LMBRD1: variants seen among roughly 807,000 people sequenced by gnomAD.
LMBRD1 encodes LMBR1 domain containing 1, also known as lysosomal cobalamin transport escort protein LMBD1.
In LMBRD1, 64 loss-of-function variants were observed where a neutral mutation model predicts 74.8. The ratio of observed to expected loss-of-function variants is 0.86; its 90% CI spans 0.70 to 1.05. LMBRD1 has a LOEUF of 1.05. Among genes scored for constraint, LMBRD1 ranks in the 50% least tolerant of loss-of-function variants. The pLI is 0.00. For synonymous variants in LMBRD1, 204 were observed against 216.3 expected (o/e 0.94, Z 0.50); for missense variants, 652 against 645.9 (o/e 1.01, Z -0.10).
chr6:69,754,174 A>G (rs1237372911), intron 3 of LMBRD1, among the ~76,000 whole-genome samples: 1 of 152,196 alleles, frequency 6.6e-6, no homozygotes, highest in African/African-American at 2.4e-5. Context: ...AATAAGGTAT[A>G]GTTCAATTTT....
chr6:69,685,347 G>A (rs1725495589), intron 14 of LMBRD1, among the ~76,000 whole-genome samples: 1 of 152,196 alleles, frequency 6.6e-6, no homozygotes, highest in Non-Finnish European at 1.5e-5. Flanking sequence ...TTAAATAGTA[G>A]TAGTCCTTAA....
At chr6:69,729,744 A>T (rs1219885422) in intron 7 of LMBRD1, among the ~76,000 whole-genome samples, 1 of 152,048 alleles carries the variant, frequency 6.6e-6, no homozygotes, top group Non-Finnish European at 1.5e-5. Context: ...ACTATTTTTA[A>T]ATTTTTAATT....
intron 14 of LMBRD1, among the ~76,000 whole-genome samples, chr6:69,696,826 T>C (rs569027612): frequency 1.3e-5 from 2 of 152,298 alleles, no homozygotes; most frequent in East Asian, 3.9e-4. Flanking sequence ...TTTTTCATAA[T>C]GGTATTCATG....
At chr6:69,793,030 G>C (rs745326276) in intron 1 of LMBRD1, among the ~76,000 whole-genome samples, 25 of 152,112 alleles carry the variant, frequency 1.6e-4, no homozygotes, top group Non-Finnish European at 5.9e-5. Flanking sequence ...CTCGTCTATA[G>C]GAATACTTCT....
At chr6:69,742,782 T>C (rs1302967436) in intron 5 of LMBRD1, among the ~76,000 whole-genome samples, 2 of 152,160 alleles carry the variant, frequency 1.3e-5, no homozygotes, top group East Asian at 1.9e-4. Flanking sequence ...TAAAACAAAG[T>C]AATTACTCTA....
intron 5 of LMBRD1, 85 bp downstream of exon 5, chr6:69,749,256 G>C (rs942171049): frequency 1.8e-6 from 2 of 1,087,364 alleles, no homozygotes; most frequent in Middle Eastern, 2.6e-4. Context: ...TTCTTTCCTA[G>C]ATTTTTCTGA....
At position 69,713,662 on chromosome 6, in the gene LMBRD1, C is replaced by T. The variant is rs754013620; in HGVS notation, c.898G>A (p.Ala300Thr). ...ENSWWTKFCG[A>T]LRPLKIVWGI... is the part of the protein sequence containing the mutation. ...TCATTTACCTTCAGGGGACGCAGAG[C>T]GCCACAAAATTTTGTCCACCAGCTG... The change falls in exon 9 of 16, where the codon GCT becomes ACT. Residue 300 changes from alanine to threonine, a missense_variant. Ala to Thr is a moderately conservative substitution (Grantham distance 58, BLOSUM62 0). Around this residue, in one of 3 missense-constraint regions of LMBRD1, gnomAD observed 598 missense variants for 581.8 expected, o/e 1.03. Coordinates refer to ENST00000649934, the MANE Select transcript of LMBRD1 (RefSeq NM_018368.4). 10 of 1,613,312 alleles carry T rather than the reference C, an allele frequency of 6.2e-6. No homozygotes were observed. The highest frequency in any genetic ancestry group is 5.0e-5 in the Admixed American group (3 of 59,904).
chr6:69,735,975 C>T (rs1766968541), intron 7 of LMBRD1, among the ~76,000 whole-genome samples: 1 of 152,198 alleles, frequency 6.6e-6, no homozygotes. Context: ...AGGATCCTCA[C>T]ACTTACTCTT....
At chr6:69,720,630 A>T (rs1009414951) in intron 7 of LMBRD1, among the ~76,000 whole-genome samples, 9 of 152,130 alleles carry the variant, frequency 5.9e-5, no homozygotes, top group African/African-American at 1.9e-4. Flanking sequence ...GAGCATCCCT[A>T]ATCTGAAAAT....
chr6:69,720,344 A>G (rs1562098381), intron 7 of LMBRD1, among the ~76,000 whole-genome samples: 1 of 152,206 alleles, frequency 6.6e-6, no homozygotes, highest in Admixed American at 6.5e-5. Flanking sequence ...GAAACACTTA[A>G]AAAACCTTGC....
At chr6:69,742,483 C>T (rs1237093469) in intron 5 of LMBRD1, among the ~76,000 whole-genome samples, 1 of 152,068 alleles carries the variant, frequency 6.6e-6, no homozygotes. Context: ...ATCCTAGGAC[C>T]TGCTCTATGA....
chr6:69,749,537 AAAC>A, intron 4 of LMBRD1, 129 bp from the exon 5 acceptor site: 1 of 720,232 alleles, frequency 1.4e-6, no homozygotes, highest in Non-Finnish European at 2.4e-6. Context: ...TAAGGTTGAA[AAAC>A]AACCTTAAAA....
At chr6:69,787,697 C>T (rs1301080677) in intron 2 of LMBRD1, among the ~76,000 whole-genome samples, 4 of 151,756 alleles carry the variant, frequency 2.6e-5, no homozygotes, top group Non-Finnish European at 5.9e-5. Flanking sequence ...AGTGAAACTC[C>T]GTCTCAAAAA....
At chr6:69,697,738 A>G in intron 13 of LMBRD1, 97 bp from the exon 14 acceptor site, 1 of 675,352 alleles carries the variant, frequency 1.5e-6, no homozygotes, top group Non-Finnish European at 2.6e-6. Flanking sequence ...TCTGTATACT[A>G]ACTACATCTA....
intron 8 of LMBRD1, 44 bp downstream of exon 8, chr6:69,718,912 A>C (rs1236520605): frequency 1.2e-5 from 19 of 1,606,128 alleles, no homozygotes; most frequent in Non-Finnish European, 1.6e-5. Context: ...GCTCTAAGAC[A>C]AAGTAGTTTT....
intron 8 of LMBRD1, among the ~76,000 whole-genome samples, chr6:69,715,995 A>G (rs1210648689): frequency 6.6e-6 from 1 of 152,016 alleles, no homozygotes; most frequent in Non-Finnish European, 1.5e-5. Context: ...TATGTAACAC[A>G]TTTTCTTTAT....
chr6:69,795,918 T>A (rs1766214987), intron 1 of LMBRD1, among the ~76,000 whole-genome samples: 1 of 152,230 alleles, frequency 6.6e-6, no homozygotes. Context: ...GTTTTTGTTT[T>A]GCAATGCAAA....
intron 13 of LMBRD1, among the ~76,000 whole-genome samples, chr6:69,698,571 C>T (rs1766056554): frequency 6.6e-6 from 1 of 151,802 alleles, no homozygotes; most frequent in Non-Finnish European, 1.5e-5. Context: ...GAGAGATCAC[C>T]ACCACCAATA....
chr6:69,742,660 C>G (rs531852075), intron 5 of LMBRD1, among the ~76,000 whole-genome samples: 4 of 152,044 alleles, frequency 2.6e-5, no homozygotes, highest in South Asian at 2.1e-4. Flanking sequence ...CCACGTCCTT[C>G]CCAACCTAAT....
Sources: allele counts gnomAD v4.1 joint callset (sites outside exome capture counted in the v4.1 genomes callset), GRCh38; gene constraint gnomAD v4.1.1; regional missense constraint gnomAD v4.1.1; transcripts MANE v1.5; gene names NCBI Gene and HGNC (gene_info 2026-07-23, HGNC 2026-07-21).